The following NID1 variants were observed in gnomAD, a reference collection of about 807,000 sequenced individuals.
The protein encoded by NID1 is nidogen 1.
In NID1, 76 loss-of-function variants were observed where a neutral mutation model predicts 130.6. The observed-to-expected ratio is 0.58, with a 90% CI of 0.48 to 0.70. The LOEUF (loss-of-function observed/expected upper bound fraction) is 0.70, where lower values mean the gene tolerates loss of function less well. Ranked by LOEUF, NID1 falls within the 30% of genes least tolerant of loss-of-function variation. The probability of loss-of-function intolerance (pLI) is 0.00; values close to 1 mark genes in which losing one functional copy is unlikely to be tolerated. For synonymous variants in NID1, 665 were observed against 675.1 expected (o/e 0.98, Z 0.23); for missense variants, 1,517 against 1,664.8 (o/e 0.91, Z 1.54).
At chr1:235,992,986 C>A (rs1342452205) in intron 13 of NID1, among the ~76,000 whole-genome samples, 2 of 152,208 alleles carry the variant, frequency 1.3e-5, no homozygotes, top group Non-Finnish European at 2.9e-5. Context: ...ACTGGGGACG[C>A]TGAGGCTGGG....
intron 12 of NID1, among the ~76,000 whole-genome samples, chr1:236,010,640 T>C (rs968822796): frequency 6.6e-6 from 1 of 152,224 alleles, no homozygotes; most frequent in African/African-American, 2.4e-5. Flanking sequence ...ACAGTCTCTG[T>C]CACAACTACT....
chr1:236,055,893 T>A (rs1348277768), intron 1 of NID1, among the ~76,000 whole-genome samples: 2 of 152,132 alleles, frequency 1.3e-5, no homozygotes, highest in South Asian at 2.1e-4. Context: ...GTATATGTTG[T>A]GAAATGAATA....
At chr1:236,006,639 A>T (rs1658256925) in intron 12 of NID1, among the ~76,000 whole-genome samples, 1 of 152,226 alleles carries the variant, frequency 6.6e-6, no homozygotes, top group Admixed American at 6.5e-5. Context: ...CTAGGAATGC[A>T]CTCAAGTGTG....
Position 236,045,613 on chromosome 1 carries a change from TC to T in NID1, c.595del (p.Asp199MetfsTer81). The stretch of plus-strand genomic sequence containing the variant: ...GAATGTCGTATGGAACTGCAGACCA[TC>T]CTCAGGATAAAGGAAAATGGCATAG... ...SSYAIFLYPE[D>X]GLQFHTTFSK... On this transcript the variant is annotated frameshift_variant, in exon 3 of 20. Coordinates refer to ENST00000264187, the MANE Select transcript of NID1 (RefSeq NM_002508.3). LOFTEE classifies it high-confidence loss of function. The T allele has an allele frequency of 6.2e-7, 1 of 1,614,122 alleles. No homozygotes were observed. The highest frequency in any genetic ancestry group is 8.5e-7 in the Non-Finnish European group (1 of 1,180,026).
intron 7 of NID1, among the ~76,000 whole-genome samples, 166 bp downstream of exon 7, chr1:236,029,384 G>A (rs1296711105): frequency 2.0e-5 from 3 of 152,160 alleles, no homozygotes; most frequent in African/African-American, 4.8e-5. Flanking sequence ...TCTACAAGGA[G>A]TAGTGCGTCC....
rs763811570 is a variant in NID1 at position 235,979,899 on chromosome 1, G to C, written c.3432C>G (p.Arg1144=). Residue 1144 remains arginine (R), a synonymous_variant, in exon 18 of 20, where the codon CGC becomes CGG. Coordinates refer to ENST00000264187, the MANE Select transcript of NID1 (RefSeq NM_002508.3). This position sits in a 1 kb window ranked among gnomAD's most constrained non-coding sequence, Gnocchi z 4.6. ...GATACTGGAGCCCTTCGAGAGCCTT[G>C]CGTCTGCTGGGCTGACTGGGGTTCA... ...ECLNPSQPSR[R]KALEGLQYPF... is the part of the protein sequence containing the mutation. 6 of 1,614,168 alleles carry C rather than the reference G, an allele frequency of 3.7e-6. No individual in the cohort carries two copies. The highest frequency in any genetic ancestry group is 4.2e-6 in the Non-Finnish European group (5 of 1,180,002).
At chr1:236,029,206 A>G (rs1044688534) in intron 7 of NID1, among the ~76,000 whole-genome samples, 2 of 152,128 alleles carry the variant, frequency 1.3e-5, no homozygotes, top group African/African-American at 4.8e-5. Flanking sequence ...AAATAGATGT[A>G]TAATAAAATT....
intron 16 of NID1, 49 bp from the exon 17 acceptor site, chr1:235,980,702 A>G: frequency 6.3e-7 from 1 of 1,582,926 alleles, no homozygotes. Flanking sequence ...ATAAGGATGC[A>G]TGAGAAAAAG....
chr1:236,063,616 T>C (rs1439243851), intron 1 of NID1, among the ~76,000 whole-genome samples: 7 of 151,966 alleles, frequency 4.6e-5, no homozygotes, highest in African/African-American at 1.7e-4. Flanking sequence ...GTGGATTTTA[T>C]TTTATGCATT....
rs777835098 is a variant in NID1, at chr1:235,993,880, A to C, written c.2528-8T>G. ...ACCGGGTTTTCTCCACCTCTATCAG[A>C]GAAACAGGCAACAAGAAAGCTGTCA... On this transcript the variant is annotated splice_region_variant and splice_polypyrimidine_tract_variant and intron_variant, in intron 12 of 19. Coordinates refer to ENST00000264187, the MANE Select transcript of NID1 (RefSeq NM_002508.3). 4.4e-6 allele frequency: 7 copies of C among 1,602,384 alleles called. No homozygotes were observed. In the East Asian group the frequency reaches 1.6e-4, roughly 36 times the overall value.
chr1:235,985,643 T>G, intron 14 of NID1, 138 bp from the exon 15 acceptor site: 1 of 1,016,078 alleles, frequency 9.8e-7, no homozygotes, highest in East Asian at 2.6e-5. Flanking sequence ...ATTTTTATTA[T>G]TGAGTTGTAG....
intron 2 of NID1, 51 bp from the exon 3 acceptor site, chr1:236,045,734 T>A (rs779125912): frequency 7.3e-7 from 1 of 1,369,214 alleles, no homozygotes; most frequent in Non-Finnish European, 1.0e-6. Context: ...CGATAGATTT[T>A]AAAATGTGTT....
intron 4 of NID1, among the ~76,000 whole-genome samples, chr1:236,038,920 A>T (rs1356464696): frequency 2.1e-5 from 3 of 141,942 alleles, no homozygotes; most frequent in Non-Finnish European, 4.5e-5. Flanking sequence ...AATATATTAC[A>T]TATATGTAAT....
At chr1:236,050,816 G>A (rs1396528226) in intron 1 of NID1, among the ~76,000 whole-genome samples, 3 of 152,176 alleles carry the variant, frequency 2.0e-5, no homozygotes, top group Non-Finnish European at 2.9e-5. Context: ...AGAGGCTCAC[G>A]CCTGTAATCC....
At chr1:235,996,828 T>C (rs1168928038) in intron 12 of NID1, among the ~76,000 whole-genome samples, 1 of 152,000 alleles carries the variant, frequency 6.6e-6, no homozygotes, top group Non-Finnish European at 1.5e-5. Flanking sequence ...TCTTCCTGTC[T>C]CAGACTCCTG....
chr1:236,039,931 C>T (rs1369345485), intron 4 of NID1, among the ~76,000 whole-genome samples: 1 of 152,186 alleles, frequency 6.6e-6, no homozygotes, highest in East Asian at 1.9e-4. Flanking sequence ...GAATGCACTA[C>T]TGGCCACAGA....
intron 7 of NID1, among the ~76,000 whole-genome samples, chr1:236,027,409 G>A (rs1429789990): frequency 6.6e-6 from 1 of 152,172 alleles, no homozygotes; most frequent in Non-Finnish European, 1.5e-5. Context: ...CAAGCCGGCC[G>A]CAACTGTGGT....
rs780410514 is a variant in NID1, at chr1:235,979,907, T to A, written c.3424A>T (p.Ser1142Cys). 1.2e-6 allele frequency: 2 copies of A among 1,613,866 alleles called. No individual in the cohort carries two copies. Among genetic ancestry groups the A allele is most frequent in the Admixed American group, 3.3e-5 (2 of 60,006 alleles). ...AGCCCTTCGAGAGCCTTGCGTCTGC[T>A]GGGCTGACTGGGGTTCAGGCATTCC... is the stretch of plus-strand genomic sequence containing the variant. ...RAECLNPSQP[S>C]RRKALEGLQY... Residue 1142 changes from serine (S) to cysteine (C), a missense_variant, in exon 18 of 20, where the codon AGC becomes TGC. Transcript: ENST00000264187. The surrounding 1 kb of genome is among the most constrained non-coding windows in gnomAD (Gnocchi z 4.6).
At chr1:235,995,453 G>A (rs1057485843) in intron 12 of NID1, among the ~76,000 whole-genome samples, 20 of 152,200 alleles carry the variant, frequency 1.3e-4, no homozygotes, top group Non-Finnish European at 2.1e-4. Context: ...CTTCCAAGCC[G>A]TAGTGGATTC....
Sources: allele counts gnomAD v4.1 joint callset (sites outside exome capture counted in the v4.1 genomes callset), GRCh38; gene constraint gnomAD v4.1.1; non-coding constraint Gnocchi (gnomAD v3.1); transcripts MANE v1.5; gene names NCBI Gene and HGNC (gene_info 2026-07-23, HGNC 2026-07-21).